KALRN: variants seen among roughly 807,000 people sequenced by gnomAD.
KALRN encodes the protein kalirin RhoGEF kinase, also known as kalirin.
In KALRN, 70 loss-of-function variants were observed where a neutral mutation model predicts 353.7. The observed-to-expected ratio is 0.20, with a 90% CI of 0.16 to 0.24. The LOEUF (loss-of-function observed/expected upper bound fraction) is 0.24, where lower values mean the gene tolerates loss of function less well. Ranked by LOEUF, KALRN falls within the 10% of genes least tolerant of loss-of-function variation. The pLI is 1.00. For missense variants in KALRN, 2,791 were observed against 3,756.7 expected (o/e 0.74, Z 6.72); for synonymous variants, 1,391 against 1,434.8 (o/e 0.97, Z 0.69).
At chr3:124,450,013 T>G (rs2058626542) in intron 21 of KALRN, among the ~76,000 whole-genome samples, 1 of 152,248 alleles carries the variant, frequency 6.6e-6, no homozygotes, top group Non-Finnish European at 1.5e-5. Flanking sequence ...ACCTTTATAT[T>G]CAAGTTTTGG....
At chr3:124,683,079 G>T (rs567103017) in intron 51 of KALRN, among the ~76,000 whole-genome samples, 46 of 152,102 alleles carry the variant, frequency 3.0e-4, no homozygotes, top group South Asian at 1.7e-3. Flanking sequence ...TAAACTTTGG[G>T]GTGGGGGTGA....
In KALRN at chr3:124,657,886, G is replaced by C. The variant is rs976091856; in HGVS notation, c.6036+83G>C. 6.0e-6 allele frequency: 6 copies of C among 1,008,122 alleles called. No homozygotes were observed. In the African/African-American group the frequency reaches 9.6e-5, roughly 16 times the overall value. 62.4% of individuals were successfully genotyped at this position (1,008,122 alleles called of 1,614,324 possible). A position where few individuals can be genotyped will look rare whatever the true frequency, so the allele number is the denominator to read the frequency against. On this transcript the variant is annotated intron_variant, in intron 41 of 59. Coordinates refer to ENST00000682506, the MANE Select transcript of KALRN (RefSeq NM_001388419.1). ...TTTAAAATCCTGGCCAGGCACAGTGGCTCACACCTGTAATTCCAACACTTT... is the reference window on the plus strand; with the variant it reads ...TTTAAAATCCTGGCCAGGCACAGTGCCTCACACCTGTAATTCCAACACTTT...
At chr3:124,367,027 C>T (rs2084866374) in intron 10 of KALRN, among the ~76,000 whole-genome samples, 1 of 142,834 alleles carries the variant, frequency 7.0e-6, no homozygotes. Flanking sequence ...GCCCCCACCT[C>T]CCTCCCGGAC....
intron 15 of KALRN, among the ~76,000 whole-genome samples, chr3:124,429,693 T>C (rs2093186099): frequency 6.6e-6 from 1 of 152,208 alleles, no homozygotes; most frequent in Non-Finnish European, 1.5e-5. Context: ...GTCAGCTGTT[T>C]CTTCTTCTAT....
chr3:124,609,078 T>A (rs1242909830), intron 34 of KALRN, among the ~76,000 whole-genome samples: 2 of 152,216 alleles, frequency 1.3e-5, no homozygotes, highest in Non-Finnish European at 2.9e-5. Flanking sequence ...TTTGTTCATT[T>A]ATTCAACAAA....
At chr3:124,077,931 A>G (rs1017486030) in intron 1 of KALRN, among the ~76,000 whole-genome samples, 11 of 152,128 alleles carry the variant, frequency 7.2e-5, no homozygotes, top group Admixed American at 2.0e-4. Context: ...ACTTCTGTGG[A>G]CCCGTTTGCT....
chr3:124,177,133 T>G (rs945987130), intron 1 of KALRN, among the ~76,000 whole-genome samples: 2 of 152,184 alleles, frequency 1.3e-5, no homozygotes, highest in African/African-American at 4.8e-5. Flanking sequence ...CTGGGGCAAG[T>G]ATGGTAATGG....
intron 13 of KALRN, among the ~76,000 whole-genome samples, chr3:124,401,168 A>G (rs1256542046): frequency 6.6e-6 from 1 of 152,230 alleles, no homozygotes; most frequent in East Asian, 1.9e-4. Context: ...CACATGCATT[A>G]AAATTGGATC....
chr3:124,720,720 A>G lies in KALRN; in HGVS notation c.*1250A>G, dbSNP rs332514. On this transcript the variant is annotated 3_prime_UTR_variant, in exon 60 of 60. Transcript: ENST00000682506. ...AAGGACTAATTGTACTTTGAGGCCA[A>G]TGCTGCTTTCTGGTGTATATTCTCC... The G allele has an allele frequency of 0.21, 32,496 of 152,280 alleles. 4,001 individuals carry two copies. Among genetic ancestry groups the G allele is most frequent in the African/African-American group, 0.33 (13,497 of 41,488 alleles). The allele number at this position is 152,280 out of a possible 1,614,324, so 9.4% of individuals were successfully genotyped here. A position where few individuals can be genotyped will look rare whatever the true frequency, so the allele number is the denominator to read the frequency against.
chr3:124,121,844 C>T (rs562794021), intron 1 of KALRN, among the ~76,000 whole-genome samples: 17 of 152,324 alleles, frequency 1.1e-4, no homozygotes, highest in African/African-American at 3.1e-4. Context: ...AGTATAAGTG[C>T]TCCTCCTAAT....
At chr3:124,469,726 C>T (rs2060701025) in intron 25 of KALRN, among the ~76,000 whole-genome samples, 2 of 152,154 alleles carry the variant, frequency 1.3e-5, no homozygotes. Context: ...GTTGCCACAA[C>T]AGGCCCCTTC....
At chr3:124,497,503 C>A (rs1014607430) in intron 33 of KALRN, among the ~76,000 whole-genome samples, 1 of 152,120 alleles carries the variant, frequency 6.6e-6, no homozygotes, top group Non-Finnish European at 1.5e-5. Flanking sequence ...GTGCCCCGAA[C>A]CTGCTGAAAT....
intron 34 of KALRN, among the ~76,000 whole-genome samples, chr3:124,629,118 G>T (rs77472867): frequency 0.034 from 5,232 of 152,222 alleles, 111 homozygotes; most frequent in East Asian, 0.089. Flanking sequence ...CTGTCAGGGG[G>T]CCTATGTGCG....
chr3:124,660,469 G>A (rs1036126625), intron 43 of KALRN, among the ~76,000 whole-genome samples: 1 of 152,036 alleles, frequency 6.6e-6, no homozygotes, highest in Non-Finnish European at 1.5e-5. Flanking sequence ...ATCACCTGAG[G>A]TCAGGAGTTT....
intron 6 of KALRN, among the ~76,000 whole-genome samples, chr3:124,315,623 A>G (rs1226266310): frequency 2.0e-5 from 3 of 149,350 alleles, no homozygotes; most frequent in African/African-American, 7.4e-5. Context: ...TATTTGCTGT[A>G]TCCTCTCGGT....
At chr3:124,449,306 G>C (rs1454160256) in intron 21 of KALRN, among the ~76,000 whole-genome samples, 8 of 152,070 alleles carry the variant, frequency 5.3e-5, no homozygotes. Flanking sequence ...ATTGGATATA[G>C]AAAGATACTT....
intron 6 of KALRN, among the ~76,000 whole-genome samples, chr3:124,300,970 A>G (rs1296611925): frequency 2.0e-5 from 3 of 152,212 alleles, no homozygotes; most frequent in Non-Finnish European, 4.4e-5. Context: ...ACTCAAATCT[A>G]GTCAAGTCTG....
chr3:124,189,637 T>C (rs1035069563), intron 1 of KALRN, among the ~76,000 whole-genome samples: 5 of 152,056 alleles, frequency 3.3e-5, no homozygotes, highest in African/African-American at 1.2e-4. Context: ...ACCCTGTCTC[T>C]ACTAATAATA....
chr3:124,371,372 G>A (rs2085813097), intron 10 of KALRN, among the ~76,000 whole-genome samples: 1 of 152,202 alleles, frequency 6.6e-6, no homozygotes, highest in Admixed American at 6.5e-5. Flanking sequence ...CTCGACTACT[G>A]TGAATAGTGC....
Sources: allele counts gnomAD v4.1 joint callset (sites outside exome capture counted in the v4.1 genomes callset), GRCh38; gene constraint gnomAD v4.1.1; transcripts MANE v1.5; gene names NCBI Gene and HGNC (gene_info 2026-07-23, HGNC 2026-07-21).